Variants in DMRT1 observed in about 807,000 individuals in gnomAD.
The protein encoded by DMRT1 is doublesex and mab-3 related transcription factor 1, also known as doublesex- and mab-3-related transcription factor 1.
In DMRT1, 7 loss-of-function variants were observed where a neutral mutation model predicts 32.3. That is an observed-to-expected ratio of 0.22 (90% confidence interval 0.12 to 0.41). The LOEUF is 0.41. DMRT1 is among the 10% of genes least tolerant of loss of function. DMRT1 has a pLI of 1.00. For missense variants in DMRT1, 625 were observed against 500.5 expected (o/e 1.25, Z -2.37); for synonymous variants, 278 against 206.1 (o/e 1.35, Z -2.99).
intron 2 of DMRT1, among the ~76,000 whole-genome samples, chr9:883,572 A>G (rs1390420588): frequency 6.6e-6 from 1 of 151,372 alleles, no homozygotes; most frequent in Admixed American, 6.6e-5. Flanking sequence ...TGGGAGGATC[A>G]CTGGAGACCA....
At chr9:862,284 G>T (rs971602442) in intron 2 of DMRT1, among the ~76,000 whole-genome samples, 1 of 152,152 alleles carries the variant, frequency 6.6e-6, no homozygotes, top group African/African-American at 2.4e-5. Context: ...CAGACCACTC[G>T]CGGTCAGGAG....
chr9:891,008 G>T (rs772305520), intron 2 of DMRT1, among the ~76,000 whole-genome samples: 1 of 151,520 alleles, frequency 6.6e-6, no homozygotes. Context: ...TGGGATTACA[G>T]GCGTGAGCCA....
At chr9:880,963 G>C (rs182112837) in intron 2 of DMRT1, among the ~76,000 whole-genome samples, 34 of 152,276 alleles carry the variant, frequency 2.2e-4, no homozygotes, top group Admixed American at 7.9e-4. Flanking sequence ...GCTGCGATAA[G>C]ATGTAAGGGT....
intron 4 of DMRT1, among the ~76,000 whole-genome samples, chr9:952,405 C>A (rs1436590171): frequency 2.6e-5 from 4 of 152,144 alleles, no homozygotes. Flanking sequence ...AAAACATGTT[C>A]TAAAATTTAT....
chr9:932,581 G>T (rs1818760324), intron 4 of DMRT1, among the ~76,000 whole-genome samples: 1 of 152,136 alleles, frequency 6.6e-6, no homozygotes, highest in Non-Finnish European at 1.5e-5. Context: ...CAAACTGGGT[G>T]TCCTACAATT....
In DMRT1 at chr9:862,338, G is replaced by A. The variant is rs1026160990; in HGVS notation, c.538+15195G>A. Among the ~76,000 whole-genome samples, 9 of 152,078 alleles carry A rather than the reference G, an allele frequency of 5.9e-5. No individual in the cohort carries two copies. In the South Asian group the frequency reaches 1.0e-3, roughly 18 times the overall value. ...AACACGGCGAAACCCCGTCTCCACC[G>A]AAAAATAGGAAAACCAGTCAGGTGT... On this transcript the variant is annotated intron_variant, in intron 2 of 4. Coordinates refer to ENST00000382276, the MANE Select transcript of DMRT1 (RefSeq NM_021951.3).
intron 4 of DMRT1, among the ~76,000 whole-genome samples, chr9:953,036 A>G (rs1449577747): frequency 6.6e-6 from 1 of 152,214 alleles, no homozygotes; most frequent in Non-Finnish European, 1.5e-5. Context: ...TGAAATGTGT[A>G]GAGACTTTCT....
intron 4 of DMRT1, among the ~76,000 whole-genome samples, chr9:927,974 G>C (rs1250840059): frequency 6.6e-6 from 1 of 152,210 alleles, no homozygotes; most frequent in Non-Finnish European, 1.5e-5. Context: ...CCATTGTGGA[G>C]CATCTTGCCT....
intron 4 of DMRT1, among the ~76,000 whole-genome samples, chr9:941,962 A>G (rs1819088475): frequency 6.6e-6 from 1 of 152,222 alleles, no homozygotes; most frequent in Non-Finnish European, 1.5e-5. Context: ...CTGCACTTAT[A>G]TCCAGAAGTG....
intron 3 of DMRT1, among the ~76,000 whole-genome samples, chr9:915,630 A>T (rs1818149698): frequency 6.6e-6 from 1 of 152,182 alleles, no homozygotes; most frequent in Non-Finnish European, 1.5e-5. Context: ...CAGGGAACAG[A>T]CACCGACTAA....
At chr9:854,406 C>A (rs1815299574) in intron 2 of DMRT1, among the ~76,000 whole-genome samples, 1 of 152,128 alleles carries the variant, frequency 6.6e-6, no homozygotes. Flanking sequence ...GCCTCAGCCT[C>A]CTGAGTAGCT....
intron 4 of DMRT1, among the ~76,000 whole-genome samples, chr9:927,689 A>G (rs1818573615): frequency 6.6e-6 from 1 of 152,206 alleles, no homozygotes; most frequent in Non-Finnish European, 1.5e-5. Context: ...TCAGGTTCCA[A>G]ATGCGCTTCC....
At chr9:873,310 A>AT (rs111862526) in intron 2 of DMRT1, among the ~76,000 whole-genome samples, 37,283 of 144,252 alleles carry the variant, frequency 0.26, 4,830 homozygotes, top group East Asian at 0.4. Context: ...TTCTATAAGC[A>AT]TTTTTTTTTT....
intron 4 of DMRT1, 60 bp downstream of exon 4, chr9:916,967 G>A: frequency 6.3e-7 from 1 of 1,585,402 alleles, no homozygotes; most frequent in Non-Finnish European, 8.7e-7. Context: ...ATCCAGTATT[G>A]GGTCATTAGC....
chr9:880,347 T>A (rs1191250196), intron 2 of DMRT1, among the ~76,000 whole-genome samples: 11 of 152,156 alleles, frequency 7.2e-5, no homozygotes, highest in African/African-American at 2.7e-4. Flanking sequence ...TCATCAAGGG[T>A]GTCTTTAGCA....
intron 4 of DMRT1, among the ~76,000 whole-genome samples, chr9:927,120 T>C (rs1272398677): frequency 6.6e-6 from 1 of 152,240 alleles, no homozygotes; most frequent in African/African-American, 2.4e-5. Flanking sequence ...CGTGGAGTAC[T>C]TCTGGAGTTT....
chr9:895,801 C>CTTTT (rs1187539144), intron 3 of DMRT1, among the ~76,000 whole-genome samples: 14 of 121,962 alleles, frequency 1.1e-4, no homozygotes, highest in Admixed American at 2.6e-4. Context: ...ATAACTGAAA[C>CTTTT]TTTTTTTTTT....
intron 2 of DMRT1, among the ~76,000 whole-genome samples, chr9:881,906 G>T (rs1033873522): frequency 8.5e-5 from 13 of 152,160 alleles, no homozygotes; most frequent in African/African-American, 2.9e-4. Flanking sequence ...ACTGTCTCTG[G>T]TATCTTGCCA....
At position 870,374 on chromosome 9, in the gene DMRT1, G is replaced by A. The variant is rs566210208; in HGVS notation, c.538+23231G>A. Among the ~76,000 whole-genome samples, 8 of 151,438 alleles carry A rather than the reference G, an allele frequency of 5.3e-5. No homozygotes were observed. The South Asian group carries it at 1.7e-3, about 32-fold the overall frequency. ...AGATCATGCCGCTGCACTCCAGCTT[G>A]GACAACAAGAATGAAACTCTGTCTC... On this transcript the variant is annotated intron_variant, in intron 2 of 4. Transcript: ENST00000382276.
Sources: gnomAD v4.1 joint callset for allele counts (sites outside exome capture counted in the v4.1 genomes callset) on GRCh38, gnomAD v4.1.1 for gene constraint, MANE v1.5 for transcripts, NCBI Gene and HGNC (gene_info 2026-07-23, HGNC 2026-07-21) for gene names.